PARD3: variants seen among roughly 807,000 people sequenced by gnomAD.
PARD3 encodes partitioning defective 3 homolog.
PARD3 carries 75 observed loss-of-function variants against 155.4 expected under a neutral mutation model. The ratio of observed to expected loss-of-function variants is 0.48; its 90% CI spans 0.40 to 0.58. The LOEUF (loss-of-function observed/expected upper bound fraction) is 0.58. Ranked by LOEUF, PARD3 falls within the 20% of genes least tolerant of loss-of-function variation. The pLI is 0.00. For synonymous variants in PARD3, 576 were observed against 610.5 expected (o/e 0.94, Z 0.83); for missense variants, 1,642 against 1,721.7 (o/e 0.95, Z 0.82).
chr10:34,127,686 G>A (rs964396606), intron 23 of PARD3, among the ~76,000 whole-genome samples: 1 of 152,218 alleles, frequency 6.6e-6, no homozygotes, highest in African/African-American at 2.4e-5. Flanking sequence ...TCATGGCATG[G>A]TATGGAGAAT....
chr10:34,398,000 T>G (rs541583537), intron 7 of PARD3, among the ~76,000 whole-genome samples: 42 of 152,308 alleles, frequency 2.8e-4, no homozygotes, highest in South Asian at 6.2e-4. Context: ...TATAAGTTAT[T>G]TGAAGAAATT....
intron 20 of PARD3, among the ~76,000 whole-genome samples, chr10:34,299,063 C>T (rs1439469399): frequency 6.6e-6 from 1 of 152,174 alleles, no homozygotes; most frequent in Non-Finnish European, 1.5e-5. Context: ...TGGAAATGCT[C>T]CCATCTTCAG....
intron 20 of PARD3, among the ~76,000 whole-genome samples, chr10:34,311,385 A>C (rs2134088232): frequency 6.6e-6 from 1 of 152,308 alleles, no homozygotes; most frequent in African/African-American, 2.4e-5. Context: ...ATTTTCAGTA[A>C]GAATGCAATG....
At chr10:34,396,717 G>A (rs1172722818) in intron 7 of PARD3, among the ~76,000 whole-genome samples, 1 of 151,944 alleles carries the variant, frequency 6.6e-6, no homozygotes, top group Non-Finnish European at 1.5e-5. Context: ...AGTTATCTTG[G>A]AAATTTCTAC....
intron 5 of PARD3, among the ~76,000 whole-genome samples, chr10:34,434,865 ACAT>A (rs778796259): frequency 1.3e-5 from 2 of 152,212 alleles, no homozygotes; most frequent in Non-Finnish European, 2.9e-5. Flanking sequence ...CCTCAAAATA[ACAT>A]CATAACTATC....
intron 5 of PARD3, among the ~76,000 whole-genome samples, chr10:34,403,018 T>C (rs1844060525): frequency 6.6e-6 from 1 of 152,150 alleles, no homozygotes; most frequent in Admixed American, 6.5e-5. Flanking sequence ...TTAGAACAGT[T>C]AAGAGATCCT....
At position 34,577,850 on chromosome 10, in the gene PARD3, CT is replaced by C. The variant is rs369876578; in HGVS notation, c.223-60692del. Among the ~76,000 whole-genome samples, 587 of 144,314 alleles carry C rather than the reference CT, an allele frequency of 4.1e-3. 2 individuals are homozygous for C. The highest frequency in any genetic ancestry group is 8.5e-3 in the African/African-American group (333 of 39,266). The allele number at this position is 144,314 out of a possible 152,430, so 94.7% of individuals were successfully genotyped here. ...ATGCATTAGTCAATGCTAGAATAAA[CT>C]TTTTTTTTTTTTTTAAACAGACAGG... On this transcript the variant is annotated intron_variant, in intron 2 of 24. Transcript: ENST00000374788.
intron 19 of PARD3, among the ~76,000 whole-genome samples, chr10:34,328,418 A>G (rs74131701): frequency 0.065 from 9,827 of 152,188 alleles, 1,047 homozygotes; most frequent in African/African-American, 0.22. Context: ...TAAACTAGGA[A>G]GGACTTCGGA....
intron 21 of PARD3, among the ~76,000 whole-genome samples, chr10:34,279,078 C>T (rs942473649): frequency 2.0e-5 from 3 of 150,204 alleles, no homozygotes; most frequent in Non-Finnish European, 4.4e-5. Context: ...TCAATAAAAT[C>T]GGTTTCAGAT....
chr10:34,509,772 A>T (rs1290012720), intron 3 of PARD3, among the ~76,000 whole-genome samples: 3 of 152,002 alleles, frequency 2.0e-5, no homozygotes, highest in Non-Finnish European at 4.4e-5. Context: ...CAAACAACAA[A>T]CACACGCATC....
intron 2 of PARD3, among the ~76,000 whole-genome samples, chr10:34,549,359 A>G (rs1352979076): frequency 6.6e-6 from 1 of 152,246 alleles, no homozygotes; most frequent in Non-Finnish European, 1.5e-5. Context: ...AACATTAAAA[A>G]TATGTAAAAA....
At chr10:34,539,758 C>T (rs912658267) in intron 2 of PARD3, among the ~76,000 whole-genome samples, 2 of 152,312 alleles carry the variant, frequency 1.3e-5, no homozygotes, top group African/African-American at 2.4e-5. Flanking sequence ...AGTGGAAACA[C>T]TATGTAAAAG....
chr10:34,366,821 A>C, intron 12 of PARD3, among the ~76,000 whole-genome samples: 1 of 152,048 alleles, frequency 6.6e-6, no homozygotes, highest in Admixed American at 6.5e-5. Context: ...CTCCAAAGAG[A>C]CTCCAAAATT....
chr10:34,608,735 T>C (rs186287275), intron 2 of PARD3, among the ~76,000 whole-genome samples: 5 of 152,216 alleles, frequency 3.3e-5, no homozygotes, highest in African/African-American at 9.6e-5. Flanking sequence ...GCTTTCTCCA[T>C]GTTGGCCAAG....
intron 5 of PARD3, among the ~76,000 whole-genome samples, chr10:34,405,249 A>G (rs1160104656): frequency 6.6e-6 from 1 of 152,146 alleles, no homozygotes; most frequent in Non-Finnish European, 1.5e-5. Context: ...GAAGACAGAA[A>G]TAGATAACAC....
At chr10:34,753,826 C>T (rs533337922) in intron 1 of PARD3, among the ~76,000 whole-genome samples, 34 of 152,246 alleles carry the variant, frequency 2.2e-4, no homozygotes, top group Admixed American at 1.6e-3. Flanking sequence ...GCTGCACAAG[C>T]CATCTCAAAG....
chr10:34,669,260 C>T (rs921633677), intron 2 of PARD3, among the ~76,000 whole-genome samples: 3 of 152,068 alleles, frequency 2.0e-5, no homozygotes, highest in African/African-American at 7.2e-5. Flanking sequence ...TATACAGACA[C>T]AATAGAATAC....
At chr10:34,417,804 ACC>A (rs1845813189) in intron 5 of PARD3, among the ~76,000 whole-genome samples, 1 of 152,216 alleles carries the variant, frequency 6.6e-6, no homozygotes, top group Non-Finnish European at 1.5e-5. Context: ...TAACCAAATT[ACC>A]AATGTGATTT....
At chr10:34,421,431 A>G (rs1210573910) in intron 5 of PARD3, among the ~76,000 whole-genome samples, 2 of 151,586 alleles carry the variant, frequency 1.3e-5, no homozygotes, top group East Asian at 1.9e-4. Flanking sequence ...ATTAATCTAC[A>G]TTAGATTATA....
Sources: allele counts gnomAD v4.1 joint callset (sites outside exome capture counted in the v4.1 genomes callset), GRCh38; gene constraint gnomAD v4.1.1; transcripts MANE v1.5; gene names NCBI Gene and HGNC (gene_info 2026-07-23, HGNC 2026-07-21).